The following ZPLD1 variants were observed in gnomAD, a reference collection of about 807,000 sequenced individuals.
The protein encoded by ZPLD1 is zona pellucida-like domain-containing protein 1.
ZPLD1 carries 34 observed loss-of-function variants against 47.2 expected under a neutral mutation model. The observed-to-expected ratio is 0.72, with a 90% confidence interval of 0.55 to 0.96. The LOEUF is 0.96. Among genes scored for constraint, ZPLD1 ranks in the 40% least tolerant of loss-of-function variants. The pLI, the probability that ZPLD1 is intolerant of heterozygous loss-of-function variation, is 0.00. For missense variants in ZPLD1, 512 were observed against 505.8 expected, an observed-to-expected ratio of 1.01 and a Z score of -0.12; for synonymous variants, 176 against 186.2, an observed-to-expected ratio of 0.95 and a Z score of 0.45.
At position 102,396,319 on chromosome 3, in the gene ZPLD1, TTTTTTGAAGACG is replaced by T. The variant is rs541960409; in HGVS notation, c.-157+4098_-157+4109del. Among the ~76,000 whole-genome samples the T allele has an allele frequency of 7.2e-5, 11 of 152,316 alleles. No individual in the cohort carries two copies. In the East Asian group the frequency reaches 1.9e-3, roughly 27 times the overall value. ...GCTTCATAGGCCTCATAGAGTAATC[TTTTTTGAAGACG>T]TTTAAGTGACAATTGGGTATTCATA... is the stretch of plus-strand genomic sequence containing the variant. On this transcript the variant is annotated intron_variant, in intron 7 of 17. Transcript: ENST00000491959.
chr3:102,454,919 G>T (rs142772905), intron 4 of ZPLD1, among the ~76,000 whole-genome samples: 3 of 152,310 alleles, frequency 2.0e-5, no homozygotes, highest in African/African-American at 7.2e-5. Context: ...GACAGAATTG[G>T]TTGGTTTAGC....
intron 7 of ZPLD1, among the ~76,000 whole-genome samples, chr3:102,401,070 G>A (rs949025870): frequency 2.0e-5 from 3 of 151,964 alleles, no homozygotes; most frequent in African/African-American, 7.3e-5. Flanking sequence ...TCATTGTTAA[G>A]CTGACTCTAA....
chr3:102,392,452 T>C (rs996466888), intron 7 of ZPLD1, among the ~76,000 whole-genome samples: 5 of 152,050 alleles, frequency 3.3e-5, no homozygotes, highest in African/African-American at 1.2e-4. Flanking sequence ...AGTTCCAAGG[T>C]GGTGCAGGGT....
intron 10 of ZPLD1, among the ~76,000 whole-genome samples, chr3:102,472,421 A>G (rs754897534): frequency 1.3e-5 from 2 of 151,988 alleles, no homozygotes; most frequent in Non-Finnish European, 2.9e-5. Context: ...AATCACAGCT[A>G]CTTGGGAGGC....
intron 8 of ZPLD1, among the ~76,000 whole-genome samples, chr3:102,468,009 C>A (rs1396867896): frequency 2.6e-5 from 4 of 151,938 alleles, no homozygotes; most frequent in Non-Finnish European, 4.4e-5. Context: ...CAGAATTGAT[C>A]AAAAGACACA....
intron 7 of ZPLD1, among the ~76,000 whole-genome samples, chr3:102,394,254 A>G (rs575878383): frequency 6.6e-6 from 1 of 152,334 alleles, no homozygotes; most frequent in Admixed American, 6.5e-5. Flanking sequence ...GTAAGACATG[A>G]CAATAATGCA....
intron 3 of ZPLD1, among the ~76,000 whole-genome samples, chr3:102,451,022 C>T (rs929894873): frequency 2.6e-5 from 4 of 152,074 alleles, no homozygotes; most frequent in South Asian, 2.1e-4. Flanking sequence ...AATATTGCGT[C>T]GAATTTCCTA....
intron 8 of ZPLD1, among the ~76,000 whole-genome samples, chr3:102,426,129 CAT>C (rs1197483075): frequency 5.8e-5 from 8 of 138,380 alleles, no homozygotes; most frequent in African/African-American, 1.3e-4. Flanking sequence ...CACACACACA[CAT>C]GCACACACAC....
In ZPLD1 at chr3:102,446,489, C is replaced by A. The variant is rs376461136; in HGVS notation, c.107-6430C>A. On this transcript the variant is annotated intron_variant, in intron 3 of 11. Coordinates refer to ENST00000466937, the MANE Select transcript of ZPLD1 (RefSeq NM_001329788.2). ...GTTTTCTGTCCCCAAATATTAGACT[C>A]ATATTTCCAACTATCTGCTGTACAT... 1.8e-4 allele frequency among the ~76,000 whole-genome samples: 27 copies of A among 152,258 alleles called. No homozygotes were observed. In the East Asian group the frequency reaches 4.8e-3, roughly 27 times the overall value.
chr3:102,404,496 T>A (rs983068300), intron 7 of ZPLD1, among the ~76,000 whole-genome samples: 1 of 152,018 alleles, frequency 6.6e-6, no homozygotes, highest in Non-Finnish European at 1.5e-5. Flanking sequence ...AGTGCCTATA[T>A]GTTAACCTAA....
intron 7 of ZPLD1, among the ~76,000 whole-genome samples, chr3:102,404,670 A>T (rs1706661036): frequency 1.3e-5 from 2 of 152,010 alleles, no homozygotes; most frequent in African/African-American, 2.4e-5. Context: ...AAGCAGCACA[A>T]CTGTAAGTAG....
chr3:102,386,185 C>A (rs1706422647), intron 6 of ZPLD1, among the ~76,000 whole-genome samples: 1 of 152,128 alleles, frequency 6.6e-6, no homozygotes, highest in African/African-American at 2.4e-5. Context: ...TCATTTAGGA[C>A]AGTAGTTTTC....
intron 4 of ZPLD1, among the ~76,000 whole-genome samples, chr3:102,455,791 G>A (rs966438957): frequency 6.6e-6 from 1 of 152,186 alleles, no homozygotes; most frequent in African/African-American, 2.4e-5. Context: ...TCATGGGAAA[G>A]TGGGGAGAGT....
upstream of ZPLD1, chr3:102,434,978 A>G: frequency 1.1e-6 from 1 of 886,234 alleles, no homozygotes; most frequent in Non-Finnish European, 1.8e-6. Flanking sequence ...AGATCTAGGG[A>G]GCCTGAGCAG....
chr3:102,469,016 G>C lies in ZPLD1; in HGVS notation c.814G>C (p.Gly272Arg). The C allele has an allele frequency of 1.2e-6, 2 of 1,614,112 alleles. No individual in the cohort carries two copies. Among genetic ancestry groups the C allele is most frequent in the Non-Finnish European group, 1.7e-6 (2 of 1,179,996 alleles). ...CATTGAGAATGGCCGAAGCCAGCGG[G>C]GCCGGTTTTCTTTTGAAGTGTTCCG... ...TVIENGRSQR[G>R]RFSFEVFRFV... Residue 272 changes from glycine (G) to arginine (R), a missense_variant, in exon 9 of 12, where the codon GGC (glycine) becomes CGC (arginine). Physicochemically the swap from Gly to Arg is moderately radical, Grantham distance 125. Coordinates refer to ENST00000466937, the MANE Select transcript of ZPLD1 (RefSeq NM_001329788.2).
upstream of ZPLD1, among the ~76,000 whole-genome samples, chr3:102,430,054 C>G (rs1291113798): frequency 6.6e-6 from 1 of 152,180 alleles, no homozygotes; most frequent in Non-Finnish European, 1.5e-5. Context: ...ATTCAAAAGT[C>G]TTCAATGATT....
intron 8 of ZPLD1, among the ~76,000 whole-genome samples, chr3:102,421,319 A>C (rs931130808): frequency 3.2e-4 from 48 of 151,852 alleles, no homozygotes; most frequent in African/African-American, 1.1e-3. Context: ...TATATAATAA[A>C]TATTGTGGAA....
intron 7 of ZPLD1, among the ~76,000 whole-genome samples, chr3:102,393,147 T>A (rs1024477758): frequency 6.6e-6 from 1 of 152,250 alleles, no homozygotes; most frequent in Admixed American, 6.5e-5. Flanking sequence ...TTTTCCAAGG[T>A]GGAAATTGAG....
rs1029040014 is a variant in ZPLD1, at chr3:102,457,919, G to A, written c.582+66G>A. ...TTGTGAGGAGTCATTTATGTGAATG[G>A]CTTTTATATAAAAATCTACTGAAAG... On this transcript the variant is annotated intron_variant, in intron 6 of 11. Coordinates refer to ENST00000466937, the MANE Select transcript of ZPLD1 (RefSeq NM_001329788.2). 9 of 1,481,346 alleles carry A rather than the reference G, an allele frequency of 6.1e-6. No individual in the cohort carries two copies. In the African/African-American group the frequency reaches 9.8e-5, roughly 16 times the overall value. The allele number at this position is 1,481,346 out of a possible 1,614,324, so 91.8% of individuals were successfully genotyped here.
Sources: gnomAD v4.1 joint callset for allele counts (sites outside exome capture counted in the v4.1 genomes callset) on GRCh38, gnomAD v4.1.1 for gene constraint, MANE v1.5 for transcripts, NCBI Gene and HGNC (gene_info 2026-07-23, HGNC 2026-07-21) for gene names.